Variants in EPG5 observed in about 807,000 individuals in gnomAD.
EPG5 encodes ectopic P-granules 5 autophagy tethering factor.
EPG5 carries 159 observed loss-of-function variants against 302.7 expected under a neutral mutation model. The ratio of observed to expected loss-of-function variants is 0.53; its 90% confidence interval spans 0.46 to 0.60. The LOEUF is 0.60. EPG5 is among the 20% of genes least tolerant of loss of function. The pLI is 0.00. For missense variants in EPG5, 2,896 were observed against 3,092.4 expected, an observed-to-expected ratio of 0.94 and a Z score of 1.51; for synonymous variants, 1,158 against 1,136.8, an observed-to-expected ratio of 1.02 and a Z score of -0.37.
At chr18:45,896,416 A>T (rs1157544532) in intron 27 of EPG5, among the ~76,000 whole-genome samples, 4 of 152,250 alleles carry the variant, frequency 2.6e-5, no homozygotes, top group Non-Finnish European at 5.9e-5. Context: ...AAATATTTCT[A>T]ATGAGGTTAG....
intron 1 of EPG5, among the ~76,000 whole-genome samples, chr18:45,966,947 G>A (rs201276720): frequency 7.9e-5 from 12 of 152,196 alleles, no homozygotes; most frequent in African/African-American, 2.9e-4. Flanking sequence ...TGAAGTCACA[G>A]GAGGGAGAAG....
At chr18:45,896,626 C>G (rs2049483067) in intron 27 of EPG5, among the ~76,000 whole-genome samples, 1 of 152,082 alleles carries the variant, frequency 6.6e-6, no homozygotes, top group Non-Finnish European at 1.5e-5. Flanking sequence ...CTCACTGCAG[C>G]CTGGACCTCC....
intron 42 of EPG5, 68 bp downstream of exon 42, chr18:45,857,785 A>G: frequency 2.3e-6 from 3 of 1,293,868 alleles, no homozygotes; most frequent in South Asian, 1.2e-5. Context: ...AGTATATCAC[A>G]ACCTGTAAGT....
chr18:45,961,578 A>T (rs1361758711), intron 1 of EPG5, among the ~76,000 whole-genome samples: 1 of 152,186 alleles, frequency 6.6e-6, no homozygotes, highest in Non-Finnish European at 1.5e-5. Flanking sequence ...AGAACTAGCC[A>T]GGCTGGGCAT....
intron 1 of EPG5, among the ~76,000 whole-genome samples, chr18:45,958,539 T>G (rs1233947257): frequency 1.3e-5 from 2 of 152,220 alleles, no homozygotes; most frequent in Non-Finnish European, 2.9e-5. Context: ...AAATTGATTT[T>G]GACAAGAATG....
At chr18:45,845,915 G>C (rs920946885), downstream of EPG5, among the ~76,000 whole-genome samples, 1 of 152,218 alleles carries the variant, frequency 6.6e-6, no homozygotes, top group African/African-American at 2.4e-5. Context: ...GTAGCTACGT[G>C]AGAAGAAACC....
chr18:45,906,306 A>T (rs1033003114), intron 24 of EPG5, among the ~76,000 whole-genome samples: 3 of 152,240 alleles, frequency 2.0e-5, no homozygotes, highest in African/African-American at 7.2e-5. Context: ...CCAAACAAAG[A>T]CTTCAAAATA....
In EPG5 at chr18:45,922,621, G is replaced by T. The variant is rs765410575; in HGVS notation, c.2839-21C>A. ...GAAACCTAAAACAATTATTTATTTT[G>T]AGCCACATTAGTCACACACAAATTA... On this transcript the variant is annotated intron_variant, in intron 15 of 43. Transcript: ENST00000282041. The T allele has an allele frequency of 1.9e-6, 3 of 1,611,376 alleles. No individual in the cohort carries two copies. The East Asian group carries it at 6.7e-5, about 36-fold the overall frequency.
chr18:45,960,793 A>G (rs1373029114), intron 1 of EPG5, among the ~76,000 whole-genome samples: 1 of 152,144 alleles, frequency 6.6e-6, no homozygotes. Context: ...ACTTTAAGCA[A>G]TGAGGAATCA....
the EPG5 span, among the ~76,000 whole-genome samples, chr18:45,818,746 T>TG: frequency 6.7e-6 from 1 of 148,614 alleles, no homozygotes; most frequent in African/African-American, 2.5e-5. Flanking sequence ...TTTTTTTTTT[T>TG]TTTTTGCGAT....
At chr18:45,826,748 AC>A in the EPG5 span, among the ~76,000 whole-genome samples, 1 of 152,096 alleles carries the variant, frequency 6.6e-6, no homozygotes, top group Non-Finnish European at 1.5e-5. Context: ...ATAAACTCCC[AC>A]ACCTTAGACC....
intron 12 of EPG5, among the ~76,000 whole-genome samples, chr18:45,930,227 C>G (rs2050368998): frequency 6.6e-6 from 1 of 152,106 alleles, no homozygotes; most frequent in Non-Finnish European, 1.5e-5. Context: ...AATAAGTTAT[C>G]TTTTTTGATG....
chr18:45,909,608 A>AGT (rs2049844003), intron 23 of EPG5, among the ~76,000 whole-genome samples: 2 of 152,240 alleles, frequency 1.3e-5, no homozygotes, highest in African/African-American at 2.4e-5. Context: ...GGGAAGGAAT[A>AGT]GTGTGAAAGG....
At chr18:45,908,383 G>T (rs1479417814) in intron 23 of EPG5, among the ~76,000 whole-genome samples, 1 of 152,134 alleles carries the variant, frequency 6.6e-6, no homozygotes, top group Non-Finnish European at 1.5e-5. Context: ...TGGAAAAGAT[G>T]ATTTTTACCA....
chr18:45,842,449 G>C, the EPG5 span: 2 of 481,836 alleles, frequency 4.2e-6, no homozygotes, highest in Non-Finnish European at 7.5e-6. Flanking sequence ...GTGTGAGAGA[G>C]AGAGAGAGAG....
chr18:45,917,702 C>G lies in EPG5; in HGVS notation c.3216G>C (p.Gln1072His). 6.2e-7 allele frequency: 1 copy of G among 1,614,158 alleles called. No homozygotes were observed. The highest frequency in any genetic ancestry group is 8.5e-7 in the Non-Finnish European group (1 of 1,179,994). Residue 1072 changes from glutamine (Q) to histidine (H), a missense_variant, in exon 17 of 44, where the codon CAG becomes CAC. Coordinates refer to ENST00000282041, the MANE Select transcript of EPG5 (RefSeq NM_020964.3). ...DKILPLFYPC[Q>H]YYLLKNEQFL... The stretch of plus-strand genomic sequence containing the variant: ...ACTGCTCATTCTTCAGAAGGTAATA[C>G]TGGCAAGGGTAAAATAAAGGCAGAA...
At chr18:45,813,190 GA>G in the EPG5 span, among the ~76,000 whole-genome samples, 4 of 152,200 alleles carry the variant, frequency 2.6e-5, no homozygotes, top group East Asian at 1.9e-4. Flanking sequence ...GGCCATCAAA[GA>G]AATGCAAATC....
At chr18:45,925,082 C>A (rs1317185632) in intron 14 of EPG5, among the ~76,000 whole-genome samples, 1 of 152,132 alleles carries the variant, frequency 6.6e-6, no homozygotes, top group Non-Finnish European at 1.5e-5. Flanking sequence ...CAGAAAACAA[C>A]CCTGACAATG....
the EPG5 span, among the ~76,000 whole-genome samples, chr18:45,826,879 A>T: frequency 1.3e-4 from 20 of 152,112 alleles, no homozygotes; most frequent in Admixed American, 1.3e-3. Context: ...TAACTCACAT[A>T]AGGCTGAAAA....
Sources: allele counts gnomAD v4.1 joint callset (sites outside exome capture counted in the v4.1 genomes callset), GRCh38; gene constraint gnomAD v4.1.1; transcripts MANE v1.5; gene names NCBI Gene and HGNC (gene_info 2026-07-23, HGNC 2026-07-21).